PDZD2: variants seen among roughly 807,000 people sequenced by gnomAD.
PDZD2 encodes the protein PDZ domain containing 2, also known as PDZ domain-containing protein 2.
PDZD2 carries 90 observed loss-of-function variants against 220.7 expected under a neutral mutation model. The observed-to-expected ratio is 0.41, with a 90% CI of 0.34 to 0.49. PDZD2 has a LOEUF of 0.49. Among genes scored for constraint, PDZD2 ranks in the 20% least tolerant of loss-of-function variants. The pLI is 0.28. For synonymous variants in PDZD2, 1,375 were observed against 1,450.5 expected (o/e 0.95, Z 1.18); for missense variants, 3,174 against 3,608.5 (o/e 0.88, Z 3.08).
intron 1 of PDZD2, among the ~76,000 whole-genome samples, chr5:31,683,050 T>C (rs1746710615): frequency 6.6e-6 from 1 of 151,906 alleles, no homozygotes; most frequent in South Asian, 2.1e-4. Flanking sequence ...TGCCATCTGG[T>C]GTTTGCTAGT....
chr5:31,923,489 T>G, intron 2 of PDZD2: 1 of 949,762 alleles, frequency 1.1e-6, no homozygotes, highest in Non-Finnish European at 1.7e-6. Flanking sequence ...GGGGTGCAGA[T>G]CCTGGAATGT....
chr5:31,694,253 G>A (rs28465404), intron 1 of PDZD2, among the ~76,000 whole-genome samples: 25,726 of 151,988 alleles, frequency 0.17, 2,291 homozygotes, highest in East Asian at 0.29. Context: ...TTAGCCGGGC[G>A]TGGTGGCCAG....
intron 14 of PDZD2, among the ~76,000 whole-genome samples, chr5:32,067,475 T>C (rs1426126509): frequency 2.0e-5 from 3 of 152,194 alleles, no homozygotes; most frequent in Non-Finnish European, 4.4e-5. Context: ...AGTGCATGTA[T>C]GTGTACATGT....
chr5:31,878,765 G>T (rs1477970668), intron 2 of PDZD2, among the ~76,000 whole-genome samples: 1 of 151,514 alleles, frequency 6.6e-6, no homozygotes, highest in East Asian at 2.0e-4. Context: ...GTTTCACTGT[G>T]TTAGCCAGGA....
At chr5:31,808,978 CAA>C (rs5867105) in intron 2 of PDZD2, among the ~76,000 whole-genome samples, 2 of 145,182 alleles carry the variant, frequency 1.4e-5, no homozygotes, top group Admixed American at 7.0e-5. Context: ...GACTCCATCT[CAA>C]AAAAAAAAAA....
At position 32,090,583 on chromosome 5, in the gene PDZD2, T is replaced by G; in HGVS notation, c.7135T>G (p.Ser2379Ala). The change falls in exon 20 of 25, where the codon TCC becomes GCC. Residue 2379 changes from serine to alanine, a missense_variant. Physicochemically the swap from Ser to Ala is moderately conservative, Grantham distance 99. This residue lies in a region of PDZD2 where 631 missense variants were observed against 789.9 expected (regional missense o/e 0.80). Coordinates refer to ENST00000438447, the MANE Select transcript of PDZD2 (RefSeq NM_178140.4). The surrounding 1 kb of genome is among the most constrained non-coding windows in gnomAD (Gnocchi z 4.3). ...IGRRSSGSIV[S>A]GSLGHPGDAA... Reference sequence around the variant, plus strand: ...GAGGCGGTCTTCCGGCAGCATTGTTTCCGGGAGCCTGGGCCACCCAGGTGA... The same window carrying G: ...GAGGCGGTCTTCCGGCAGCATTGTTGCCGGGAGCCTGGGCCACCCAGGTGA... 1.2e-6 allele frequency: 2 copies of G among 1,613,994 alleles called. No homozygotes were observed. The highest frequency in any genetic ancestry group is 1.7e-6 in the Non-Finnish European group (2 of 1,179,998).
At chr5:32,079,076 A>G (rs1266200401) in intron 19 of PDZD2, among the ~76,000 whole-genome samples, 1 of 151,688 alleles carries the variant, frequency 6.6e-6, no homozygotes, top group Non-Finnish European at 1.5e-5. Context: ...CCTGGCCAAC[A>G]TAGTGAAATC....
intron 1 of PDZD2, among the ~76,000 whole-genome samples, chr5:31,700,451 G>C (rs9292439): frequency 0.019 from 2,968 of 152,230 alleles, 109 homozygotes; most frequent in African/African-American, 0.069. Context: ...CTCTCCCTTT[G>C]TTCCCTTCCT....
chr5:32,088,203 T>G lies in PDZD2; in HGVS notation c.4755T>G (p.Ser1585=), dbSNP rs372750141. 22 of 1,613,988 alleles carry G rather than the reference T, an allele frequency of 1.4e-5. No homozygotes were observed. The highest frequency in any genetic ancestry group is 1.9e-5 in the Non-Finnish European group (22 of 1,180,014). The change falls in exon 20 of 25, where the codon TCT becomes TCG. Residue 1585 remains serine (S), a synonymous_variant. Transcript: ENST00000438447. This position sits in a 1 kb window ranked among gnomAD's most constrained non-coding sequence, Gnocchi z 4.6. ...GGTCCCCTCCTCGTTCCCGTGTGTC[T>G]TTGCACAAGGAAGATCCTTCGGAGT... ...DGWSPPRSRV[S]LHKEDPSESE... is the part of the protein sequence containing the mutation.
Position 31,710,250 on chromosome 5 carries a change from A to C in PDZD2, c.-361+70813A>C, listed in dbSNP as rs114468841. 5.4e-3 allele frequency among the ~76,000 whole-genome samples: 826 copies of C among 152,360 alleles called. 11 individuals carry two copies. Among genetic ancestry groups the C allele is most frequent in the African/African-American group, 0.019 (787 of 41,586 alleles). The stretch of plus-strand genomic sequence containing the variant: ...TGCTGGACTGTATTTCTGTGATCCC[A>C]GTAGCACTCTGAGACTGTCACATGG... On this transcript the variant is annotated intron_variant, in intron 1 of 24. Transcript: ENST00000438447.
chr5:31,642,362 G>A (rs917330979), intron 1 of PDZD2, among the ~76,000 whole-genome samples: 1 of 152,170 alleles, frequency 6.6e-6, no homozygotes, highest in Non-Finnish European at 1.5e-5. Context: ...AGAGAGGTTA[G>A]CAGACAAGTG....
chr5:32,064,886 T>C (rs556167863), intron 14 of PDZD2, among the ~76,000 whole-genome samples: 8 of 152,276 alleles, frequency 5.3e-5, no homozygotes, highest in African/African-American at 1.9e-4. Context: ...GAGAATCACT[T>C]GAACCCAGGA....
At chr5:31,876,468 T>G (rs140072708) in intron 2 of PDZD2, among the ~76,000 whole-genome samples, 4,121 of 152,026 alleles carry the variant, frequency 0.027, 59 homozygotes, top group African/African-American at 0.04. Context: ...AATTTTTGTG[T>G]TTTTAGTAGA....
At chr5:31,784,856 G>A (rs937240128) in intron 1 of PDZD2, among the ~76,000 whole-genome samples, 2 of 151,974 alleles carry the variant, frequency 1.3e-5, no homozygotes, top group Admixed American at 6.6e-5. Flanking sequence ...GCAGTGAGCC[G>A]AGATTGCACC....
chr5:31,669,401 CAAAAAAAA>C (rs34910299), intron 1 of PDZD2, among the ~76,000 whole-genome samples: 3 of 109,656 alleles, frequency 2.7e-5, no homozygotes, highest in Non-Finnish European at 3.7e-5. Flanking sequence ...GACCCTGTCT[CAAAAAAAA>C]AAAAAAAAAA....
intron 6 of PDZD2, among the ~76,000 whole-genome samples, chr5:32,014,541 C>T (rs987349084): frequency 9.2e-5 from 14 of 151,992 alleles, no homozygotes; most frequent in Non-Finnish European, 1.6e-4. Context: ...CCGTCTGCCA[C>T]GACTCACCCC....
At position 31,646,479 on chromosome 5, in the gene PDZD2, G is replaced by GTTTCTT. The variant is rs754974526; in HGVS notation, c.-361+7054_-361+7059dup. ...ATACACTCTCTCCAAGAGCACGAAGGTTTCTTTTTCTTTTTCTGTTTAATA... is the reference window on the plus strand; with the variant it reads ...ATACACTCTCTCCAAGAGCACGAAGGTTTCTTTTTCTTTTTCTTTTTCTGTTTAATA... On this transcript the variant is annotated intron_variant, in intron 1 of 24. Coordinates refer to ENST00000438447, the MANE Select transcript of PDZD2 (RefSeq NM_178140.4). The surrounding 1 kb of genome is among the most constrained non-coding windows in gnomAD (Gnocchi z 4.7). 4.1e-4 allele frequency among the ~76,000 whole-genome samples: 62 copies of GTTTCTT among 152,140 alleles called. No individual in the cohort carries two copies. Among genetic ancestry groups the GTTTCTT allele is most frequent in the Middle Eastern group, 3.4e-3 (1 of 294 alleles).
rs397884384 is a variant in PDZD2 at position 31,878,555 on chromosome 5, C to CTTTTTTTTTTTTTTTTTTTTTTT, written c.476+78833_476+78855dup. On this transcript the variant is annotated intron_variant, in intron 2 of 24. Coordinates refer to ENST00000438447, the MANE Select transcript of PDZD2 (RefSeq NM_178140.4). ...TTCTTTGGTGGTCAGATGACCTCGG[C>CTTTTTTTTTTTTTTTTTTTTTTT]TTTTTTTTTTTTTTTTTTTTTTTTG... Among the ~76,000 whole-genome samples the CTTTTTTTTTTTTTTTTTTTTTTT allele has an allele frequency of 3.9e-4, 19 of 48,198 alleles. 3 individuals are homozygous for CTTTTTTTTTTTTTTTTTTTTTTT. The highest frequency in any genetic ancestry group is 1.1e-3 in the African/African-American group (16 of 14,372). 31.6% of individuals were successfully genotyped at this position (48,198 alleles called of 152,430 possible). A position where few individuals can be genotyped will look rare whatever the true frequency, so the allele number is the denominator to read the frequency against.
In PDZD2 at chr5:32,059,298, G is replaced by A. The variant is rs1449450781; in HGVS notation, c.2260G>A (p.Gly754Ser). 1.2e-6 allele frequency: 2 copies of A among 1,613,594 alleles called. No homozygotes were observed. Among genetic ancestry groups the A allele is most frequent in the African/African-American group, 1.3e-5 (1 of 74,890 alleles). Residue 754 changes from glycine (G) to serine (S), a missense_variant, in exon 13 of 25, where the codon GGC (glycine) becomes AGC (serine). Transcript: ENST00000438447. ...CCLALENSPP[G>S]IYIHSLAPGS... ...CTTGGCTCTGGAAAACAGTCCTCCT[G>A]GCATCTACATTCACAGCCTTGCTCC...
Sources: gnomAD v4.1 joint callset for allele counts (sites outside exome capture counted in the v4.1 genomes callset) on GRCh38, gnomAD v4.1.1 for gene constraint, gnomAD v4.1.1 regional missense constraint, Gnocchi (gnomAD v3.1) non-coding constraint, MANE v1.5 for transcripts, NCBI Gene and HGNC (gene_info 2026-07-23, HGNC 2026-07-21) for gene names.